Variants in VDAC1 observed in about 807,000 individuals in gnomAD.
VDAC1 encodes non-selective voltage-gated ion channel VDAC1.
In VDAC1, 10 loss-of-function variants were observed where a neutral mutation model predicts 34.7. The ratio of observed to expected loss-of-function variants is 0.29; its 90% CI spans 0.18 to 0.49. The LOEUF is 0.49. Ranked by LOEUF, VDAC1 falls within the 20% of genes least tolerant of loss-of-function variation. The pLI, the probability that VDAC1 is intolerant of heterozygous loss-of-function variation, is 0.99. For synonymous variants in VDAC1, 130 were observed against 136.0 expected, an observed-to-expected ratio of 0.96 and a Z score of 0.30; for missense variants, 230 against 347.9, an observed-to-expected ratio of 0.66 and a Z score of 2.69.
the VDAC1 span, among the ~76,000 whole-genome samples, chr5:134,068,360 T>C: frequency 1.1e-3 from 171 of 151,930 alleles, no homozygotes; most frequent in Non-Finnish European, 1.8e-3. Context: ...TGAGGAATAC[T>C]CTTCAGCAAT....
chr5:134,095,201 G>C, the VDAC1 span, among the ~76,000 whole-genome samples: 1 of 152,304 alleles, frequency 6.6e-6, no homozygotes, highest in African/African-American at 2.4e-5. Context: ...CCAAGAGGAG[G>C]CTGGGCACAA....
chr5:134,085,392 TG>T, the VDAC1 span, among the ~76,000 whole-genome samples: 1 of 151,778 alleles, frequency 6.6e-6, no homozygotes, highest in Admixed American at 6.6e-5. Flanking sequence ...TTAAGAAACC[TG>T]GGAAGCCACT....
At chr5:133,974,980 T>C (rs1580705771) in intron 7 of VDAC1, among the ~76,000 whole-genome samples, 1 of 150,462 alleles carries the variant, frequency 6.6e-6, no homozygotes, top group Non-Finnish European at 1.5e-5. Context: ...CAAACAGAGA[T>C]GATTGGCCAG....
the VDAC1 span, among the ~76,000 whole-genome samples, chr5:134,091,926 G>C: frequency 6.6e-6 from 1 of 152,234 alleles, no homozygotes; most frequent in East Asian, 1.9e-4. Flanking sequence ...GGCTGGGTGT[G>C]TGCTTGGTAA....
At chr5:134,073,318 A>T in the VDAC1 span, among the ~76,000 whole-genome samples, 2 of 152,308 alleles carry the variant, frequency 1.3e-5, no homozygotes, top group Admixed American at 6.5e-5. Context: ...TCCTTAAACC[A>T]GGGGCATCGC....
At chr5:134,077,713 A>C in the VDAC1 span, among the ~76,000 whole-genome samples, 23 of 152,334 alleles carry the variant, frequency 1.5e-4, no homozygotes, top group East Asian at 4.2e-3. Flanking sequence ...GAGAAGAGCT[A>C]GGCCTCCCTT....
the VDAC1 span, among the ~76,000 whole-genome samples, chr5:134,084,731 G>T: frequency 6.6e-6 from 1 of 152,264 alleles, no homozygotes; most frequent in Non-Finnish European, 1.5e-5. Context: ...TGAATGAGCT[G>T]CTGAAAGCAT....
intron 6 of VDAC1, chr5:133,976,448 T>G (rs903176436): frequency 6.0e-6 from 1 of 166,226 alleles, no homozygotes; most frequent in South Asian, 1.6e-4. Context: ...GAGGTTGCAG[T>G]AAGCCGAGAT....
At chr5:134,065,266 C>T in the VDAC1 span, among the ~76,000 whole-genome samples, 1 of 151,386 alleles carries the variant, frequency 6.6e-6, no homozygotes, top group African/African-American at 2.4e-5. Context: ...TCCTCTTTTC[C>T]CTATGAATTA....
chr5:134,044,204 G>A, the VDAC1 span, among the ~76,000 whole-genome samples: 1 of 152,200 alleles, frequency 6.6e-6, no homozygotes, highest in Non-Finnish European at 1.5e-5. Context: ...CAAGATCCAA[G>A]GTAGGTTATG....
At chr5:134,062,758 C>A in the VDAC1 span, among the ~76,000 whole-genome samples, 1 of 151,578 alleles carries the variant, frequency 6.6e-6, no homozygotes, top group Non-Finnish European at 1.5e-5. Context: ...TCCTGAGTAG[C>A]TGGGAGTACA....
chr5:134,102,711 A>T, the VDAC1 span, among the ~76,000 whole-genome samples: 1 of 152,256 alleles, frequency 6.6e-6, no homozygotes, highest in East Asian at 1.9e-4. Context: ...ATATTTTTTT[A>T]ATTACAAAAG....
chr5:134,093,769 C>T, the VDAC1 span, among the ~76,000 whole-genome samples: 1 of 152,214 alleles, frequency 6.6e-6, no homozygotes, highest in Non-Finnish European at 1.5e-5. Context: ...CCACAGAGTT[C>T]TAGGGGGAGT....
the VDAC1 span, among the ~76,000 whole-genome samples, chr5:134,068,308 TTG>T: frequency 1.3e-5 from 2 of 151,948 alleles, no homozygotes; most frequent in African/African-American, 4.8e-5. Context: ...CCCCTTAGTA[TTG>T]TGTCTTCCGT....
At chr5:134,033,809 G>A in the VDAC1 span, among the ~76,000 whole-genome samples, 4 of 151,738 alleles carry the variant, frequency 2.6e-5, no homozygotes, top group African/African-American at 4.8e-5. Context: ...TGGCTAACAC[G>A]GTGAAACCCC....
chr5:134,087,285 G>A, the VDAC1 span, among the ~76,000 whole-genome samples: 1 of 152,038 alleles, frequency 6.6e-6, no homozygotes, highest in African/African-American at 2.4e-5. Context: ...CTGCAAGGAG[G>A]GGAGGCGGAT....
At chr5:134,077,276 C>A in the VDAC1 span, among the ~76,000 whole-genome samples, 427 of 100,832 alleles carry the variant, frequency 4.2e-3, no homozygotes, top group South Asian at 5.8e-3. Context: ...GACTCCATCT[C>A]AAAAAAAAAA....
chr5:133,983,126 G>A (rs1042658790), intron 5 of VDAC1, among the ~76,000 whole-genome samples: 3 of 151,916 alleles, frequency 2.0e-5, no homozygotes, highest in African/African-American at 4.8e-5. Flanking sequence ...GCCCATGCCT[G>A]TAATCCCAGC....
chr5:134,036,310 G>A, the VDAC1 span, among the ~76,000 whole-genome samples: 1 of 152,082 alleles, frequency 6.6e-6, no homozygotes, highest in South Asian at 2.1e-4. Context: ...GCACGTCACT[G>A]CTGTGGTATT....
Sources: gnomAD v4.1 joint callset for allele counts (sites outside exome capture counted in the v4.1 genomes callset) on GRCh38, gnomAD v4.1.1 for gene constraint, MANE v1.5 for transcripts, NCBI Gene and HGNC (gene_info 2026-07-23, HGNC 2026-07-21) for gene names.